The following TUBB3 variants were observed in gnomAD, a reference collection of about 807,000 sequenced individuals.
The protein encoded by TUBB3 is tubulin beta 3 class III.
In TUBB3, 17 loss-of-function variants were observed where a neutral mutation model predicts 37.8. The ratio of observed to expected loss-of-function variants is 0.45; its 90% CI spans 0.31 to 0.67. The LOEUF is 0.67. TUBB3 is among the 30% of genes least tolerant of loss of function. TUBB3 has a pLI of 0.07. For synonymous variants in TUBB3, 332 were observed against 278.9 expected (o/e 1.19, Z -1.90); for missense variants, 262 against 657.9 (o/e 0.40, Z 6.58).
Position 89,923,399 on chromosome 16 carries a change from AG to A in TUBB3, c.-2del. 1 of 1,489,016 alleles carries A rather than the reference AG, an allele frequency of 6.7e-7. No individual in the cohort carries two copies. The highest frequency in any genetic ancestry group is 9.0e-7 in the Non-Finnish European group (1 of 1,117,280). 92.2% of individuals were successfully genotyped at this position (1,489,016 alleles called of 1,614,324 possible). ...CCGCAGCCGCCCGCCAGACGCGCCC[AG>A]TATGAGGGAGATCGTGCACATCCAG... On this transcript the variant is annotated 5_prime_UTR_variant, in exon 1 of 4. Coordinates refer to ENST00000315491, the MANE Select transcript of TUBB3 (RefSeq NM_006086.4).
intron 3 of TUBB3, chr16:89,934,381 T>G: frequency 1.2e-5 from 6 of 506,936 alleles, no homozygotes; most frequent in Non-Finnish European, 1.5e-5. Flanking sequence ...CTGCCAGGGA[T>G]TCTGGGGTGG....
At chr16:89,931,782 T>G in intron 1 of TUBB3, 1 of 321,262 alleles carries the variant, frequency 3.1e-6, no homozygotes, top group Non-Finnish European at 6.6e-6. Flanking sequence ...AGCCCCTGAG[T>G]CTAGGCTCCG....
intron 1 of TUBB3, among the ~76,000 whole-genome samples, chr16:89,924,750 A>T (rs2144401525): frequency 6.6e-6 from 1 of 152,206 alleles, no homozygotes; most frequent in Admixed American, 6.5e-5. Flanking sequence ...TCACCCAAGG[A>T]GACAGCTGTG....
At chr16:89,929,260 G>A (rs1031934211) in intron 1 of TUBB3, among the ~76,000 whole-genome samples, 2 of 152,198 alleles carry the variant, frequency 1.3e-5, no homozygotes, top group South Asian at 2.1e-4. Flanking sequence ...ACCACACCCA[G>A]CCTGAATCAT....
At chr16:89,929,847 C>G (rs1053626033) in intron 1 of TUBB3, among the ~76,000 whole-genome samples, 1 of 152,058 alleles carries the variant, frequency 6.6e-6, no homozygotes, top group African/African-American at 2.4e-5. Context: ...ATTACAGGTG[C>G]TCGCCACCAC....
At position 89,936,087 on chromosome 16, in the gene TUBB3, C is replaced by G; in HGVS notation, c.*283C>G. 2 of 538,510 alleles carry G rather than the reference C, an allele frequency of 3.7e-6. No individual in the cohort carries two copies. The highest frequency in any genetic ancestry group is 6.7e-6 in the Non-Finnish European group (2 of 300,138). The allele number at this position is 538,510 out of a possible 1,614,324, so 33.4% of individuals were successfully genotyped here. A position where few individuals can be genotyped will look rare whatever the true frequency, so the allele number is the denominator to read the frequency against. ...GGATACTTAATAAATCTATTGCTGT[C>G]AGATACCCTTGCTTGGTGCCAGAGA... On this transcript the variant is annotated 3_prime_UTR_variant, in exon 4 of 4. Coordinates refer to ENST00000315491, the MANE Select transcript of TUBB3 (RefSeq NM_006086.4).
Position 89,935,990 on chromosome 16 carries a change from T to C in TUBB3, c.*186T>C, listed in dbSNP as rs1340465588. 1 of 699,956 alleles carries C rather than the reference T, an allele frequency of 1.4e-6. No homozygotes were observed. Among genetic ancestry groups the C allele is most frequent in the Non-Finnish European group, 2.4e-6 (1 of 424,118 alleles). The allele number at this position is 699,956 out of a possible 1,614,324, so 43.4% of individuals were successfully genotyped here. On this transcript the variant is annotated 3_prime_UTR_variant, in exon 4 of 4. Transcript: ENST00000315491. Reference sequence around the variant, plus strand: ...AGGCCACGTGTGAGCTGCTCCTGTCTCTGTCTTATTGCAGCTCCAGGCCTG... The same window carrying C: ...AGGCCACGTGTGAGCTGCTCCTGTCCCTGTCTTATTGCAGCTCCAGGCCTG...
intron 2 of TUBB3, 65 bp downstream of exon 2, chr16:89,932,744 C>A: frequency 7.3e-7 from 1 of 1,364,132 alleles, no homozygotes; most frequent in Non-Finnish European, 1.0e-6. Context: ...GTCTGACTGA[C>A]CAGGTCTCAG....
At chr16:89,933,046 A>G (rs748690257) in intron 2 of TUBB3, 6 of 466,342 alleles carry the variant, frequency 1.3e-5, no homozygotes, top group South Asian at 4.0e-5. Flanking sequence ...AGTGATTTCC[A>G]TATCAAAGTG....
chr16:89,923,970 C>T (rs1402712143), intron 1 of TUBB3, among the ~76,000 whole-genome samples: 2 of 152,156 alleles, frequency 1.3e-5, no homozygotes, highest in Middle Eastern at 3.2e-3. Context: ...TCCGACACCC[C>T]TCGGCGTCCT....
rs2029984113 is a variant in TUBB3, at chr16:89,924,106, C to A, written c.57+648C>A. 3.3e-5 allele frequency among the ~76,000 whole-genome samples: 5 copies of A among 152,374 alleles called. No homozygotes were observed. The South Asian group carries it at 1.0e-3, about 32-fold the overall frequency. On this transcript the variant is annotated intron_variant, in intron 1 of 3. Transcript: ENST00000315491. ...CCCGCGGGGCTTGACCGCGCCCACC[C>A]AGGGTCTACCAGTCTGGGGATTGGA...
At chr16:89,934,503 C>G in intron 3 of TUBB3, 2 of 645,202 alleles carry the variant, frequency 3.1e-6, no homozygotes, top group Non-Finnish European at 2.8e-6. Flanking sequence ...GCTGTGACCC[C>G]AAGTTCTCAA....
At chr16:89,934,668 C>T in intron 3 of TUBB3, 61 bp from the exon 4 acceptor site, 1 of 1,536,858 alleles carries the variant, frequency 6.5e-7, no homozygotes, top group South Asian at 1.1e-5. Context: ...CAGGCAGGGG[C>T]TGGAGGTCTG....
chr16:89,932,740 C>G (rs2030322597), intron 2 of TUBB3, 61 bp downstream of exon 2: 4 of 1,385,238 alleles, frequency 2.9e-6, no homozygotes, highest in Non-Finnish European at 4.1e-6. Context: ...CAGCGTCTGA[C>G]TGACCAGGTC....
In TUBB3 at chr16:89,935,360, C is replaced by T. The variant is rs372795851; in HGVS notation, c.909C>T (p.Cys303=). ...MFDAKNMMAA[C]DPRHGRYLTV... is the part of the protein sequence containing the mutation. ...ATGCCAAGAACATGATGGCCGCCTG[C>T]GACCCGCGCCACGGCCGCTACCTGA... The change falls in exon 4 of 4, where the codon TGC becomes TGT. Residue 303 remains cysteine (C), a synonymous_variant. Coordinates refer to ENST00000315491, the MANE Select transcript of TUBB3 (RefSeq NM_006086.4). The T allele has an allele frequency of 2.6e-5, 42 of 1,613,912 alleles. No homozygotes were observed. Among genetic ancestry groups the T allele is most frequent in the Admixed American group, 8.3e-5 (5 of 60,006 alleles).
intron 3 of TUBB3, 39 bp downstream of exon 3, chr16:89,933,617 A>T (rs544901815): frequency 1.3e-6 from 2 of 1,529,594 alleles, no homozygotes; most frequent in South Asian, 2.2e-5. Flanking sequence ...GGCAGACCCC[A>T]TCACAGGCAA....
Position 89,932,603 on chromosome 16 carries a change from C to T in TUBB3, c.90C>T (p.Ile30=), listed in dbSNP as rs369355135. The T allele has an allele frequency of 9.2e-5, 149 of 1,614,006 alleles. No individual in the cohort carries two copies. The highest frequency in any genetic ancestry group is 1.2e-4 in the Non-Finnish European group (145 of 1,180,044). The part of the protein sequence containing the change: ...FWEVISDEHG[I]DPSGNYVGDS... Reference sequence around the variant, plus strand: ...AAGTCATCAGTGATGAGCATGGCATCGACCCCAGCGGCAACTACGTGGGCG... The same window carrying T: ...AAGTCATCAGTGATGAGCATGGCATTGACCCCAGCGGCAACTACGTGGGCG... The change falls in exon 2 of 4, where the codon ATC becomes ATT. Residue 30 remains isoleucine (I), a synonymous_variant. Coordinates refer to ENST00000315491, the MANE Select transcript of TUBB3 (RefSeq NM_006086.4).
In TUBB3 at chr16:89,935,702, C is replaced by T. The variant is rs776916990; in HGVS notation, c.1251C>T (p.Asp417=). The T allele has an allele frequency of 6.2e-7, 1 of 1,613,900 alleles. No individual in the cohort carries two copies. The highest frequency in any genetic ancestry group is 8.5e-7 in the Non-Finnish European group (1 of 1,179,912). ...CCGAGGCCGAGAGCAACATGAACGA[C>T]CTGGTGTCCGAGTACCAGCAGTACC... ...EFTEAESNMN[D]LVSEYQQYQD... is the part of the protein sequence containing the mutation. The change falls in exon 4 of 4, where the codon GAC becomes GAT. Residue 417 remains aspartate, a synonymous_variant. Coordinates refer to ENST00000315491, the MANE Select transcript of TUBB3 (RefSeq NM_006086.4).
At chr16:89,927,395 A>G (rs1597420272) in intron 1 of TUBB3, among the ~76,000 whole-genome samples, 1 of 151,928 alleles carries the variant, frequency 6.6e-6, no homozygotes, top group African/African-American at 2.4e-5. Flanking sequence ...AAAAAAAAAA[A>G]GGAACAATAT....
Sources: gnomAD v4.1 joint callset for allele counts (sites outside exome capture counted in the v4.1 genomes callset) on GRCh38, gnomAD v4.1.1 for gene constraint, MANE v1.5 for transcripts, NCBI Gene and HGNC (gene_info 2026-07-23, HGNC 2026-07-21) for gene names.